Variants in PRDM11 observed in about 807,000 individuals in gnomAD.
The protein encoded by PRDM11 is PR domain-containing protein 11.
PRDM11 carries 20 observed loss-of-function variants against 97.8 expected under a neutral mutation model. The ratio of observed to expected loss-of-function variants is 0.20; its 90% CI spans 0.14 to 0.30. The LOEUF (loss-of-function observed/expected upper bound fraction) is 0.30, where lower values mean the gene tolerates loss of function less well. Ranked by LOEUF, PRDM11 falls within the 10% of genes least tolerant of loss-of-function variation. The pLI is 1.00. For missense variants in PRDM11, 1,139 were observed against 1,555.2 expected (o/e 0.73, Z 4.50); for synonymous variants, 599 against 637.7 (o/e 0.94, Z 0.91).
intron 1 of PRDM11, among the ~76,000 whole-genome samples, chr11:45,140,062 T>C (rs1272682343): frequency 6.6e-6 from 1 of 152,216 alleles, no homozygotes; most frequent in Non-Finnish European, 1.5e-5. Context: ...CTTCTACACA[T>C]GCTATTATTA....
intron 5 of PRDM11, chr11:45,212,328 C>T (rs1763258462): frequency 3.1e-6 from 1 of 321,880 alleles, no homozygotes; most frequent in African/African-American, 2.2e-5. Context: ...GTGGATTTCT[C>T]TATGGGCGGG....
intron 1 of PRDM11, among the ~76,000 whole-genome samples, chr11:45,173,622 CAAA>C (rs1163035481): frequency 3.1e-4 from 21 of 68,350 alleles, no homozygotes; most frequent in Admixed American, 5.2e-4. Flanking sequence ...AACACCGCGT[CAAA>C]AAAAAAAAAA....
intron 1 of PRDM11, among the ~76,000 whole-genome samples, chr11:45,161,182 G>A (rs1324680813): frequency 6.6e-6 from 1 of 152,204 alleles, no homozygotes; most frequent in East Asian, 1.9e-4. Context: ...GCTAACACAT[G>A]TGAAGTGTTT....
chr11:45,129,308 G>A (rs2135643805), intron 1 of PRDM11, among the ~76,000 whole-genome samples: 1 of 152,090 alleles, frequency 6.6e-6, no homozygotes, highest in Non-Finnish European at 1.5e-5. Context: ...GTGCAATATG[G>A]CAAGAAAAAA....
At chr11:45,098,778 G>A (rs1225328701) in intron 1 of PRDM11, among the ~76,000 whole-genome samples, 3 of 152,170 alleles carry the variant, frequency 2.0e-5, no homozygotes, top group African/African-American at 7.2e-5. Context: ...TGTGAAGCCT[G>A]AGAAAGGTAG....
Position 45,229,840 on chromosome 11 carries a change from T to TA in PRDM11, c.*1682dup, listed in dbSNP as rs1361730397. On this transcript the variant is annotated 3_prime_UTR_variant, in exon 8 of 8. Transcript: ENST00000683152. ...TCTCTTGGTTGGCAGAGGGTGGTGT[T>TA]ATCTGGCCACAGGCAAGGCCCCAAT... 6.6e-6 allele frequency: 1 copy of TA among 152,174 alleles called. No homozygotes were observed. Among genetic ancestry groups the TA allele is most frequent in the Admixed American group, 6.5e-5 (1 of 15,278 alleles). 9.4% of individuals were successfully genotyped at this position (152,174 alleles called of 1,614,324 possible).
chr11:45,139,320 G>A (rs952215241), intron 1 of PRDM11, among the ~76,000 whole-genome samples: 4 of 152,186 alleles, frequency 2.6e-5, no homozygotes, highest in Non-Finnish European at 5.9e-5. Context: ...TGTAATTCCA[G>A]CACTTTGGGA....
upstream of PRDM11, among the ~76,000 whole-genome samples, chr11:45,142,740 C>T (rs1461096979): frequency 6.6e-6 from 1 of 152,156 alleles, no homozygotes; most frequent in African/African-American, 2.4e-5. Context: ...TAAGCCAGTC[C>T]CTCCTTCCTT....
At chr11:45,207,548 T>A (rs2902426) in intron 5 of PRDM11, among the ~76,000 whole-genome samples, 52,260 of 152,072 alleles carry the variant, frequency 0.34, 9,845 homozygotes, top group Admixed American at 0.45. Flanking sequence ...ACGAAAAATT[T>A]TCTAGCCCCA....
At chr11:45,162,400 G>A (rs999637426) in intron 1 of PRDM11, among the ~76,000 whole-genome samples, 3 of 152,098 alleles carry the variant, frequency 2.0e-5, no homozygotes, top group African/African-American at 2.4e-5. Flanking sequence ...CTCTGAGCTA[G>A]TGGATGCAGA....
intron 1 of PRDM11, among the ~76,000 whole-genome samples, chr11:45,139,267 T>A (rs1439889026): frequency 1.3e-5 from 2 of 152,080 alleles, no homozygotes; most frequent in African/African-American, 4.8e-5. Flanking sequence ...GGCAAAATGT[T>A]TTAGGACAAC....
chr11:45,101,599 A>AGAAGAAGAC (rs1565220143), intron 1 of PRDM11, among the ~76,000 whole-genome samples: 2 of 148,974 alleles, frequency 1.3e-5, no homozygotes, highest in African/African-American at 4.9e-5. Context: ...AAGAAGAAGA[A>AGAAGAAGAC]GGCGTTCAGG....
intron 1 of PRDM11, among the ~76,000 whole-genome samples, chr11:45,140,404 T>G (rs1357333514): frequency 2.6e-5 from 4 of 152,222 alleles, no homozygotes; most frequent in Admixed American, 6.5e-5. Flanking sequence ...GGCCCAGATC[T>G]CTATTCTTTC....
intron 1 of PRDM11, among the ~76,000 whole-genome samples, chr11:45,154,382 G>T (rs1467069900): frequency 1.3e-5 from 2 of 152,098 alleles, no homozygotes; most frequent in Non-Finnish European, 2.9e-5. Flanking sequence ...ATAAAAGTAG[G>T]ATTTGATTTA....
chr11:45,203,607 T>C (rs1853406544), intron 4 of PRDM11, among the ~76,000 whole-genome samples: 2 of 148,724 alleles, frequency 1.3e-5, no homozygotes, highest in African/African-American at 4.9e-5. Flanking sequence ...GAAGGATATA[T>C]TGAGCTACTC....
At chr11:45,198,782 G>C (rs780505715) in intron 4 of PRDM11, among the ~76,000 whole-genome samples, 2 of 152,216 alleles carry the variant, frequency 1.3e-5, no homozygotes, top group Non-Finnish European at 2.9e-5. Flanking sequence ...GAATGGTTGA[G>C]GGTGGTTAAT....
At chr11:45,181,959 C>T in intron 2 of PRDM11, 74 bp downstream of exon 2, 1 of 1,368,050 alleles carries the variant, frequency 7.3e-7, no homozygotes, top group South Asian at 1.3e-5. Flanking sequence ...GGTTGGGAAC[C>T]CTGGGAAACG....
chr11:45,140,527 A>G (rs997055063), intron 1 of PRDM11, among the ~76,000 whole-genome samples: 25 of 152,114 alleles, frequency 1.6e-4, no homozygotes, highest in Non-Finnish European at 2.9e-5. Context: ...GGCATAAATT[A>G]TCTTCAGAAG....
At chr11:45,214,059 G>A (rs965605039) in intron 5 of PRDM11, 3 of 261,204 alleles carry the variant, frequency 1.1e-5, no homozygotes, top group Non-Finnish European at 2.3e-5. Context: ...TGGAGAGGCA[G>A]GGCCAGATCT....
Sources: gnomAD v4.1 joint callset for allele counts (sites outside exome capture counted in the v4.1 genomes callset) on GRCh38, gnomAD v4.1.1 for gene constraint, MANE v1.5 for transcripts, NCBI Gene and HGNC (gene_info 2026-07-23, HGNC 2026-07-21) for gene names.